Variants in PLEC observed in about 807,000 individuals in gnomAD.
The protein encoded by PLEC is hemidesmosomal protein 1.
In PLEC, 216 loss-of-function variants were observed where a neutral mutation model predicts 392.8. The ratio of observed to expected loss-of-function variants is 0.55; its 90% CI spans 0.49 to 0.62. The LOEUF is 0.62. Among genes scored for constraint, PLEC ranks in the 20% least tolerant of loss-of-function variants. The probability of loss-of-function intolerance (pLI) is 0.00; values close to 1 mark genes in which losing one functional copy is unlikely to be tolerated. For synonymous variants in PLEC, 3,621 were observed against 2,980.6 expected (o/e 1.21, Z -7.00); for missense variants, 6,863 against 6,563.4 (o/e 1.05, Z -1.58).
Position 143,929,493 on chromosome 8 carries a change from G to A in PLEC, c.3002C>T (p.Thr1001Met), listed in dbSNP as rs782176940. 11 of 1,610,686 alleles carry A rather than the reference G, an allele frequency of 6.8e-6. No homozygotes were observed. Among genetic ancestry groups the A allele is most frequent in the East Asian group, 4.5e-5 (2 of 44,812 alleles). The change falls in exon 24 of 32, where the codon ACG becomes ATG. Residue 1001 changes from threonine (T) to methionine (M), a missense_variant. Physicochemically the swap from Thr to Met is moderately conservative, Grantham distance 81 (BLOSUM62 -1). Coordinates refer to ENST00000345136, the MANE Select transcript of PLEC (RefSeq NM_201384.3). ...CAGCCGCAGGCGGTGCACGGTGCGC[G>A]TCTCACAGGCCTCCAGCTGCAGCCG... ...DIRLQLEACE[T>M]RTVHRLRLPL...
At position 143,927,727 on chromosome 8, in the gene PLEC, C is replaced by T. The variant is rs782758381; in HGVS notation, c.3439G>A (p.Asp1147Asn). ...CCCCGCAGCTCATCCCGCAGGGCGT[C>T]GAACGTGGGCTGCTGTGCCTCGGCC... ...AQAEAQQPTF[D>N]ALRDELRGAQ... The change falls in exon 27 of 32, where the codon GAC becomes AAC. Residue 1147 changes from aspartate (D) to asparagine (N), a missense_variant. By Grantham distance (23) the Asp-to-Asn change is conservative (BLOSUM62 1). Coordinates refer to ENST00000345136, the MANE Select transcript of PLEC (RefSeq NM_201384.3). 16 of 1,594,132 alleles carry T rather than the reference C, an allele frequency of 1.0e-5. No homozygotes were observed. Among genetic ancestry groups the T allele is most frequent in the African/African-American group, 9.4e-5 (7 of 74,650 alleles).
chr8:143,925,360 G>A lies in PLEC; in HGVS notation c.4569C>T (p.Ala1523=), dbSNP rs782223095. 41 of 1,555,348 alleles carry A rather than the reference G, an allele frequency of 2.6e-5. No homozygotes were observed. In the East Asian group the frequency reaches 3.8e-4, roughly 14 times the overall value. Residue 1523 remains alanine, a synonymous_variant, in exon 31 of 32, where the codon GCC becomes GCT. Transcript: ENST00000345136. Reference sequence around the variant, plus strand: ...GCTTCTCGCGCGCCGCCTCGGCCTCGGCCTTCACGCGCGAGGCCAGCTCCA... The same window carrying A: ...GCTTCTCGCGCGCCGCCTCGGCCTCAGCCTTCACGCGCGAGGCCAGCTCCA... ...AEVELASRVK[A]EAEAAREKQR...
intron 1 of PLEC, among the ~76,000 whole-genome samples, chr8:143,961,669 T>C (rs1587401451): frequency 1.3e-5 from 2 of 152,304 alleles, no homozygotes; most frequent in East Asian, 3.9e-4. Context: ...TGATATGGTT[T>C]CCATACAGGG....
chr8:143,919,756 G>A lies in PLEC; in HGVS notation c.10065C>T (p.Gly3355=), dbSNP rs782290282. ...GSVRTLLQGS[G]CLAGIYLEDT... ...CCTCCAGGTAGATGCCGGCGAGGCA[G>A]CCACTGCCCTGCAGCAGCGTCCGCA... The change falls in exon 32 of 32, where the codon GGC becomes GGT. Residue 3355 remains glycine (G), a synonymous_variant. Coordinates refer to ENST00000345136, the MANE Select transcript of PLEC (RefSeq NM_201384.3). 3 of 1,609,452 alleles carry A rather than the reference G, an allele frequency of 1.9e-6. No individual in the cohort carries two copies. Among genetic ancestry groups the A allele is most frequent in the Middle Eastern group, 3.3e-4 (2 of 6,080 alleles).
At chr8:143,943,953 G>A (rs1830994455), upstream of PLEC, 1 of 1,575,070 alleles carries the variant, frequency 6.3e-7, no homozygotes, top group African/African-American at 1.3e-5. Flanking sequence ...CTCCAGGCTA[G>A]ACAGCCCCCT....
upstream of PLEC, among the ~76,000 whole-genome samples, chr8:143,976,201 C>T (rs1399902691): frequency 2.6e-5 from 4 of 152,170 alleles, no homozygotes; most frequent in African/African-American, 9.7e-5. Flanking sequence ...GCGCGTACAC[C>T]GGCACCGCGG....
rs1587065714 is a variant in PLEC at position 143,931,821 on chromosome 8, C to T, written c.2178+116G>A. 9.1e-6 allele frequency: 13 copies of T among 1,430,096 alleles called. No homozygotes were observed. In the East Asian group the frequency reaches 3.0e-4, roughly 33 times the overall value. The allele number at this position is 1,430,096 out of a possible 1,614,324, so 88.6% of individuals were successfully genotyped here. On this transcript the variant is annotated intron_variant, in intron 18 of 31. Transcript: ENST00000345136. Reference sequence around the variant, plus strand: ...TCCAAGGCCCCGGTCAGGCTGCAGGCAGCAGCTGGCAACGTCTGCAGACAG... The same window carrying T: ...TCCAAGGCCCCGGTCAGGCTGCAGGTAGCAGCTGGCAACGTCTGCAGACAG...
In PLEC at chr8:143,921,942, G is replaced by A. The variant is rs782795199; in HGVS notation, c.7879C>T (p.Pro2627Ser). The A allele has an allele frequency of 1.3e-6, 2 of 1,599,316 alleles. No individual in the cohort carries two copies. Among genetic ancestry groups the A allele is most frequent in the Admixed American group, 3.3e-5 (2 of 60,002 alleles). The change falls in exon 32 of 32, where the codon CCC becomes TCC. Residue 2627 changes from proline (P) to serine (S), a missense_variant. By Grantham distance (74) the Pro-to-Ser change is moderately conservative. Coordinates refer to ENST00000345136, the MANE Select transcript of PLEC (RefSeq NM_201384.3). ...ASQVAATKTL[P>S]NGRDALDGPA... ...CCATCAAGTGCATCCCGGCCATTGG[G>A]CAGGGTCTTTGTGGCAGCCACCTGC...
In PLEC at chr8:143,937,253, G is replaced by C. The variant is rs559126688; in HGVS notation, c.265-11C>G. The stretch of plus-strand genomic sequence containing the variant: ...CCCCTTCTCCCGGGGCTGTGGGGAG[G>C]CACAGTCAGCACCCACAGTGCAGCT... On this transcript the variant is annotated splice_polypyrimidine_tract_variant and intron_variant, in intron 3 of 31. Transcript: ENST00000345136. The C allele has an allele frequency of 1.9e-6, 3 of 1,604,006 alleles. No homozygotes were observed. Among genetic ancestry groups the C allele is most frequent in the Non-Finnish European group, 2.6e-6 (3 of 1,172,328 alleles).
chr8:143,959,394 C>A (rs1462059832), intron 1 of PLEC, among the ~76,000 whole-genome samples: 2 of 152,242 alleles, frequency 1.3e-5, no homozygotes, highest in African/African-American at 4.8e-5. Context: ...AGATAACTGA[C>A]GATCGGTCAG....
intron 12 of PLEC, 56 bp downstream of exon 12, chr8:143,933,942 C>CG (rs1348287653): frequency 6.8e-7 from 1 of 1,468,112 alleles, no homozygotes; most frequent in African/African-American, 1.4e-5. Flanking sequence ...GGCTGCAGGG[C>CG]GGGGCAGGCT....
At position 143,950,416 on chromosome 8, in the gene PLEC, CAG is replaced by C; in HGVS notation, c.289_290del (p.Leu97AlafsTer49). On this transcript the variant is annotated frameshift_variant, in exon 1 of 32. Coordinates refer to the PLEC transcript ENST00000322810. LOFTEE classifies it high-confidence loss of function. Reference sequence around the variant, plus strand: ...TGGCGACGGGGCGGCGCACGCGCTGCAGAGAGGCGGGCACGATCTCTGGCGGC... The same window carrying C: ...TGGCGACGGGGCGGCGCACGCGCTGCAGAGGCGGGCACGATCTCTGGCGGC... The C allele has an allele frequency of 1.2e-6, 2 of 1,608,336 alleles. No homozygotes were observed. Among genetic ancestry groups the C allele is most frequent in the Non-Finnish European group, 1.7e-6 (2 of 1,178,274 alleles).
chr8:143,950,578 G>A, exon 1 of PLEC: 1 of 1,608,408 alleles, frequency 6.2e-7, no homozygotes, highest in South Asian at 1.1e-5. Flanking sequence ...GCAGGTTGGT[G>A]ACGCCGGGCA....
chr8:143,925,670 T>C lies in PLEC; in HGVS notation c.4259A>G (p.Glu1420Gly). The C allele has an allele frequency of 2.5e-6, 4 of 1,590,276 alleles. No homozygotes were observed. The highest frequency in any genetic ancestry group is 3.4e-6 in the Non-Finnish European group (4 of 1,175,690). The change falls in exon 31 of 32, where the codon GAG becomes GGG. Residue 1420 changes from glutamate (E) to glycine (G), a missense_variant. Glu to Gly is a moderately conservative substitution (Grantham distance 98). Coordinates refer to ENST00000345136, the MANE Select transcript of PLEC (RefSeq NM_201384.3). ...GCTCTGCCGCAGCTGCTGCAGCTCC[T>C]CCTGAATGCTGCGCTTCTGCTGCTG... ...DAQQQKRSIQ[E>G]ELQQLRQSSE...
rs1047641700 is a variant in PLEC, at chr8:143,925,359, C to T, written c.4570G>A (p.Glu1524Lys). Residue 1524 changes from glutamate to lysine, a missense_variant, in exon 31 of 32, where the codon GAG becomes AAG. Transcript: ENST00000345136. ...TGCTTCTCGCGCGCCGCCTCGGCCT[C>T]GGCCTTCACGCGCGAGGCCAGCTCC... ...EVELASRVKAEAEAAREKQRA... is the reference protein window; with the variant it reads ...EVELASRVKAKAEAAREKQRA... 1.3e-5 allele frequency: 20 copies of T among 1,554,944 alleles called. No homozygotes were observed. The highest frequency in any genetic ancestry group is 1.6e-5 in the Non-Finnish European group (19 of 1,157,872).
At chr8:143,946,627 G>C (rs1436810599) in intron 1 of PLEC, 3 of 306,584 alleles carry the variant, frequency 9.8e-6, no homozygotes, top group African/African-American at 6.8e-5. Context: ...CAATCCCAGA[G>C]AGCCCTCCGG....
Position 143,923,591 on chromosome 8 carries a change from T to C in PLEC, c.6338A>G (p.Glu2113Gly), listed in dbSNP as rs1479545525. 1.3e-6 allele frequency: 2 copies of C among 1,594,976 alleles called. No homozygotes were observed. The highest frequency in any genetic ancestry group is 2.7e-5 in the African/African-American group (2 of 74,640). The change falls in exon 31 of 32, where the codon GAG becomes GGG. Residue 2113 changes from glutamate to glycine, a missense_variant. Glu to Gly is a moderately conservative substitution (Grantham distance 98). Transcript: ENST00000345136. Reference protein sequence around the residue: ...EAAQSRRQVEEAERLKQSAEE... With the variant: ...EAAQSRRQVEGAERLKQSAEE... ...TGCCGACTGCTTCAGCCGCTCGGCC[T>C]CTTCCACCTGCCGCCGGGACTGCGC...
upstream of PLEC, among the ~76,000 whole-genome samples, chr8:143,955,786 G>A (rs782156582): frequency 1.3e-5 from 2 of 151,834 alleles, no homozygotes; most frequent in Non-Finnish European, 2.9e-5. Context: ...TTTTTATACA[G>A]ACAGTCTGTC....
intron 1 of PLEC, among the ~76,000 whole-genome samples, chr8:143,968,175 AAGCTT>A (rs1833213400): frequency 6.6e-6 from 1 of 152,058 alleles, no homozygotes; most frequent in Admixed American, 6.5e-5. Context: ...CATTGGTGTA[AAGCTT>A]CATGACTTGG....
Sources: allele counts gnomAD v4.1 joint callset (sites outside exome capture counted in the v4.1 genomes callset), GRCh38; gene constraint gnomAD v4.1.1; transcripts MANE v1.5; gene names NCBI Gene and HGNC (gene_info 2026-07-23, HGNC 2026-07-21).